The following DLG2 variants were observed in gnomAD, a reference collection of about 807,000 sequenced individuals.
The protein encoded by DLG2 is disks large homolog 2.
DLG2 carries 45 observed loss-of-function variants against 132.5 expected under a neutral mutation model. The ratio of observed to expected loss-of-function variants is 0.34; its 90% CI spans 0.27 to 0.44. The LOEUF is 0.44. Ranked by LOEUF, DLG2 falls within the 20% of genes least tolerant of loss-of-function variation. DLG2 has a pLI of 1.00. For missense variants in DLG2, 1,045 were observed against 1,196.9 expected (o/e 0.87, Z 1.87); for synonymous variants, 424 against 419.6 (o/e 1.01, Z -0.13).
chr11:84,794,308 G>T (rs1039203463), intron 6 of DLG2, among the ~76,000 whole-genome samples: 1 of 152,208 alleles, frequency 6.6e-6, no homozygotes, highest in African/African-American at 2.4e-5. Context: ...ATGTTTGAGA[G>T]AATCTGATGG....
chr11:83,606,635 A>G (rs975068609), intron 19 of DLG2, among the ~76,000 whole-genome samples: 4 of 49,030 alleles, frequency 8.2e-5, no homozygotes, highest in African/African-American at 1.1e-4. Flanking sequence ...GTGTTTGTTA[A>G]AAAAAAAAAA....
In DLG2 at chr11:85,461,982, T is replaced by A. The variant is rs2092630055; in HGVS notation, c.40+136675A>T. ...AAAAAAACACAACCCCACCAAAAAGTGGGCAAAGGATATTAACAGATACTT... is the reference window on the plus strand; with the variant it reads ...AAAAAAACACAACCCCACCAAAAAGAGGGCAAAGGATATTAACAGATACTT... On this transcript the variant is annotated intron_variant, in intron 3 of 27. Coordinates refer to ENST00000376104, the MANE Select transcript of DLG2 (RefSeq NM_001142699.3). 2.0e-5 allele frequency among the ~76,000 whole-genome samples: 3 copies of A among 152,060 alleles called. No individual in the cohort carries two copies. The South Asian group carries it at 6.2e-4, about 32-fold the overall frequency.
chr11:85,611,559 A>C (rs1172237065), intron 2 of DLG2, among the ~76,000 whole-genome samples: 1 of 152,244 alleles, frequency 6.6e-6, no homozygotes, highest in East Asian at 1.9e-4. Context: ...AGGTTATGCC[A>C]TAGTTAATGA....
At chr11:83,631,150 T>G (rs1354673502) in intron 19 of DLG2, 1 of 148,926 alleles carries the variant, frequency 6.7e-6, no homozygotes, top group Non-Finnish European at 1.5e-5. Context: ...AGAATTTCAC[T>G]TAGGCCTTGC....
At chr11:84,061,237 T>C (rs1345507837) in intron 10 of DLG2, among the ~76,000 whole-genome samples, 2 of 152,218 alleles carry the variant, frequency 1.3e-5, no homozygotes, top group Non-Finnish European at 2.9e-5. Flanking sequence ...TTGGATATAA[T>C]AGTAATATCT....
intron 3 of DLG2, among the ~76,000 whole-genome samples, chr11:85,424,223 C>T (rs1438541601): frequency 6.6e-6 from 1 of 152,176 alleles, no homozygotes; most frequent in Non-Finnish European, 1.5e-5. Flanking sequence ...GGATGATCCC[C>T]CTTTCCCACT....
intron 19 of DLG2, among the ~76,000 whole-genome samples, chr11:83,575,036 A>G (rs934562616): frequency 1.3e-5 from 2 of 152,224 alleles, no homozygotes; most frequent in Non-Finnish European, 2.9e-5. Context: ...AGCTGAATCT[A>G]AATTATATCT....
At chr11:83,649,232 A>G (rs989113422) in intron 18 of DLG2, among the ~76,000 whole-genome samples, 4 of 152,110 alleles carry the variant, frequency 2.6e-5, no homozygotes, top group Non-Finnish European at 5.9e-5. Flanking sequence ...TGAAGTGAGG[A>G]ATTTTTCCTG....
rs143999813 is a variant in DLG2 at position 84,376,982 on chromosome 11, A to G, written c.520-125691T>C. Among the ~76,000 whole-genome samples, 325 of 152,180 alleles carry G rather than the reference A, an allele frequency of 2.1e-3. 2 individuals are homozygous for G. Among genetic ancestry groups the G allele is most frequent in the African/African-American group, 7.6e-3 (314 of 41,570 alleles). Reference sequence around the variant, plus strand: ...TCATCAATAGATTGTAAAAGATATTATGTGAAAAGACTAATGGGGAAATTT... The same window carrying G: ...TCATCAATAGATTGTAAAAGATATTGTGTGAAAAGACTAATGGGGAAATTT... On this transcript the variant is annotated intron_variant, in intron 7 of 27. Transcript: ENST00000376104.
rs147383171 is a variant in DLG2 at position 85,495,873 on chromosome 11, C to T, written c.40+102784G>A. Among the ~76,000 whole-genome samples, 436 of 152,274 alleles carry T rather than the reference C, an allele frequency of 2.9e-3. 3 individuals are homozygous for T. The highest frequency in any genetic ancestry group is 8.7e-3 in the African/African-American group (361 of 41,556). On this transcript the variant is annotated intron_variant, in intron 3 of 27. Coordinates refer to ENST00000376104, the MANE Select transcript of DLG2 (RefSeq NM_001142699.3). The stretch of plus-strand genomic sequence containing the variant: ...TATTTACAACAGCAAAGATTTGGAA[C>T]GAACCCAAATGCCCATCAGTGATAG...
At chr11:84,322,635 G>A (rs1264408970) in intron 7 of DLG2, among the ~76,000 whole-genome samples, 1 of 151,164 alleles carries the variant, frequency 6.6e-6, no homozygotes, top group Non-Finnish European at 1.5e-5. Context: ...TGTTGCCCAG[G>A]CTGGAGTACA....
intron 3 of DLG2, among the ~76,000 whole-genome samples, chr11:85,348,373 C>A (rs1424410016): frequency 1.3e-5 from 2 of 151,712 alleles, no homozygotes; most frequent in Non-Finnish European, 1.5e-5. Flanking sequence ...CAGGCCCGCA[C>A]CACCAAGCCC....
intron 6 of DLG2, among the ~76,000 whole-genome samples, chr11:84,994,730 G>A (rs1359870750): frequency 6.6e-6 from 1 of 152,142 alleles, no homozygotes; most frequent in Non-Finnish European, 1.5e-5. Flanking sequence ...GGGGAGAGAG[G>A]AGAGCATTTT....
intron 3 of DLG2, among the ~76,000 whole-genome samples, chr11:85,300,627 G>T (rs530062077): frequency 6.6e-6 from 1 of 152,280 alleles, no homozygotes; most frequent in East Asian, 1.9e-4. Context: ...CATTCATGTT[G>T]TCCAGAAGCA....
At chr11:83,464,944 T>G (rs2090740477) in intron 26 of DLG2, among the ~76,000 whole-genome samples, 1 of 152,238 alleles carries the variant, frequency 6.6e-6, no homozygotes, top group Non-Finnish European at 1.5e-5. Flanking sequence ...TGACAGATTA[T>G]AAATCAATTT....
At chr11:85,613,070 G>C (rs751913483) in intron 2 of DLG2, among the ~76,000 whole-genome samples, 1 of 152,104 alleles carries the variant, frequency 6.6e-6, no homozygotes, top group Non-Finnish European at 1.5e-5. Context: ...ATAGGAAAAG[G>C]CTTCTGAAAT....
Position 84,546,812 on chromosome 11 carries a change from C to T in DLG2, c.358-12081G>A, listed in dbSNP as rs79001114. On this transcript the variant is annotated intron_variant, in intron 6 of 27. Coordinates refer to ENST00000376104, the MANE Select transcript of DLG2 (RefSeq NM_001142699.3). Reference sequence around the variant, plus strand: ...CTCCAATGAAGACCTTCCAGTTATTCGGGCTCTTTCAGAGACTCCGACTTA... The same window carrying T: ...CTCCAATGAAGACCTTCCAGTTATTTGGGCTCTTTCAGAGACTCCGACTTA... 6.3e-3 allele frequency: 1,377 copies of T among 218,456 alleles called. 16 individuals carry two copies. The highest frequency in any genetic ancestry group is 0.03 in the African/African-American group (1,301 of 43,692). 13.5% of individuals were successfully genotyped at this position (218,456 alleles called of 1,614,324 possible). A position where few individuals can be genotyped will look rare whatever the true frequency, so the allele number is the denominator to read the frequency against.
intron 21 of DLG2, among the ~76,000 whole-genome samples, chr11:83,508,648 T>C (rs896207997): frequency 1.3e-5 from 2 of 151,966 alleles, no homozygotes; most frequent in African/African-American, 4.8e-5. Context: ...TCTCATTGAA[T>C]CCTCCCCATA....
intron 3 of DLG2, among the ~76,000 whole-genome samples, chr11:85,391,966 G>A (rs987873045): frequency 2.6e-5 from 4 of 151,894 alleles, no homozygotes; most frequent in Non-Finnish European, 4.4e-5. Context: ...AGAAATAAAG[G>A]GCATCCAAAT....
Sources: allele counts gnomAD v4.1 joint callset (sites outside exome capture counted in the v4.1 genomes callset), GRCh38; gene constraint gnomAD v4.1.1; transcripts MANE v1.5; gene names NCBI Gene and HGNC (gene_info 2026-07-23, HGNC 2026-07-21).